Variants in RABGEF1 observed in about 807,000 individuals in gnomAD.
RABGEF1 encodes rab5 GDP/GTP exchange factor.
RABGEF1 carries 26 observed loss-of-function variants against 57.3 expected under a neutral mutation model. The observed-to-expected ratio is 0.45, with a 90% CI of 0.33 to 0.63. RABGEF1 has a LOEUF of 0.63. Among genes scored for constraint, RABGEF1 ranks in the 20% least tolerant of loss-of-function variants. RABGEF1 has a pLI of 0.02. For missense variants in RABGEF1, 464 were observed against 607.6 expected (o/e 0.76, Z 2.48); for synonymous variants, 185 against 210.7 (o/e 0.88, Z 1.06).
the RABGEF1 span, chr7:66,669,032 C>T: frequency 6.6e-6 from 1 of 152,228 alleles, no homozygotes; most frequent in Non-Finnish European, 1.5e-5. Context: ...CTTGTGAGTC[C>T]CCTCCCTGGG....
chr7:66,758,351 G>A (rs1351157768), intron 1 of RABGEF1, among the ~76,000 whole-genome samples: 2 of 152,120 alleles, frequency 1.3e-5, no homozygotes, highest in African/African-American at 2.4e-5. Context: ...ACCTAGCGCC[G>A]AGGCACAATT....
chr7:66,765,929 G>C (rs2129096310), intron 1 of RABGEF1, among the ~76,000 whole-genome samples: 1 of 152,216 alleles, frequency 6.6e-6, no homozygotes, highest in South Asian at 2.1e-4. Flanking sequence ...GTAACATTGA[G>C]TAGTACTATC....
intron 2 of RABGEF1, among the ~76,000 whole-genome samples, chr7:66,721,534 C>T (rs1171268041): frequency 1.3e-5 from 2 of 152,156 alleles, no homozygotes; most frequent in Non-Finnish European, 2.9e-5. Context: ...CATCAAATTC[C>T]ACCCCCTTTG....
chr7:66,700,815 C>T (rs1215224919), intron 1 of RABGEF1, among the ~76,000 whole-genome samples: 1 of 152,232 alleles, frequency 6.6e-6, no homozygotes, highest in Non-Finnish European at 1.5e-5. Flanking sequence ...TGGACACTCT[C>T]TGAGGACATC....
chr7:66,774,112 G>C (rs1226475586), intron 2 of RABGEF1, among the ~76,000 whole-genome samples: 1 of 152,190 alleles, frequency 6.6e-6, no homozygotes, highest in Non-Finnish European at 1.5e-5. Flanking sequence ...TACCAAGTTA[G>C]CTAAAAAACC....
the RABGEF1 span, among the ~76,000 whole-genome samples, chr7:66,676,906 A>G: frequency 6.6e-6 from 1 of 152,218 alleles, no homozygotes; most frequent in African/African-American, 2.4e-5. Flanking sequence ...CCCTTGATGC[A>G]CAAAAGTTAA....
At chr7:66,727,887 G>T (rs1412790279) in intron 2 of RABGEF1, among the ~76,000 whole-genome samples, 1 of 152,172 alleles carries the variant, frequency 6.6e-6, no homozygotes, top group African/African-American at 2.4e-5. Context: ...GAACACACGC[G>T]TGGCTGCCTC....
At chr7:66,678,328 G>A (rs1268801460), upstream of RABGEF1, among the ~76,000 whole-genome samples, 4 of 152,090 alleles carry the variant, frequency 2.6e-5, no homozygotes, top group African/African-American at 9.7e-5. Flanking sequence ...CACTTTGGGA[G>A]GCCGAGGTGG....
intron 3 of RABGEF1, among the ~76,000 whole-genome samples, chr7:66,781,365 TTATC>T (rs1809859157): frequency 6.6e-6 from 1 of 152,216 alleles, no homozygotes; most frequent in Non-Finnish European, 1.5e-5. Context: ...TTATTATTAT[TTATC>T]TATTTTTATT....
chr7:66,745,209 T>C (rs1337882192), intron 1 of RABGEF1, among the ~76,000 whole-genome samples: 2 of 151,774 alleles, frequency 1.3e-5, no homozygotes, highest in Non-Finnish European at 2.9e-5. Flanking sequence ...AAAAAAATGA[T>C]ATCAGTACTT....
chr7:66,690,391 G>C (rs932928210), intron 1 of RABGEF1, among the ~76,000 whole-genome samples: 8 of 149,180 alleles, frequency 5.4e-5, no homozygotes, highest in African/African-American at 1.7e-4. Context: ...GAGCCATCGC[G>C]CCCGGCCTGA....
At chr7:66,668,462 A>C in the RABGEF1 span, among the ~76,000 whole-genome samples, 1 of 152,164 alleles carries the variant, frequency 6.6e-6, no homozygotes, top group South Asian at 2.1e-4. Context: ...GGCATCTTGC[A>C]ACTTGAATTG....
chr7:66,798,370 C>G (rs1024266910), intron 6 of RABGEF1, among the ~76,000 whole-genome samples: 2 of 152,134 alleles, frequency 1.3e-5, no homozygotes, highest in African/African-American at 4.8e-5. Context: ...GGAGAAGGGA[C>G]TCGGAGTCCC....
chr7:66,734,405 C>T (rs1286097621), intron 2 of RABGEF1, among the ~76,000 whole-genome samples: 2 of 152,016 alleles, frequency 1.3e-5, no homozygotes, highest in Non-Finnish European at 2.9e-5. Flanking sequence ...TCTGTTTCCT[C>T]GTCTATGAAG....
chr7:66,765,611 T>C (rs1805501200), intron 1 of RABGEF1, among the ~76,000 whole-genome samples: 1 of 152,188 alleles, frequency 6.6e-6, no homozygotes, highest in South Asian at 2.1e-4. Context: ...CTTCTACTTT[T>C]CTCTGCTTCT....
At chr7:66,704,960 C>G (rs1793794073) in intron 1 of RABGEF1, among the ~76,000 whole-genome samples, 2 of 152,100 alleles carry the variant, frequency 1.3e-5, no homozygotes, top group South Asian at 2.1e-4. Flanking sequence ...ATGGCTATAC[C>G]AATTTGCATT....
intron 2 of RABGEF1, among the ~76,000 whole-genome samples, chr7:66,733,614 C>G (rs373793709): frequency 6.6e-6 from 1 of 152,082 alleles, no homozygotes; most frequent in African/African-American, 2.4e-5. Flanking sequence ...AGAAGAATTG[C>G]GTGAACCCGG....
At chr7:66,767,914 G>A (rs1330099108) in intron 1 of RABGEF1, among the ~76,000 whole-genome samples, 1 of 152,184 alleles carries the variant, frequency 6.6e-6, no homozygotes, top group Non-Finnish European at 1.5e-5. Context: ...TAAAGCCTTT[G>A]AGATTCATCA....
chr7:66,757,173 TC>T (rs1264332889), intron 1 of RABGEF1, among the ~76,000 whole-genome samples: 1 of 152,238 alleles, frequency 6.6e-6, no homozygotes, highest in Non-Finnish European at 1.5e-5. Context: ...TAAGTATATT[TC>T]CATATTTTTA....
Sources: gnomAD v4.1 joint callset for allele counts (sites outside exome capture counted in the v4.1 genomes callset) on GRCh38, gnomAD v4.1.1 for gene constraint, MANE v1.5 for transcripts, NCBI Gene and HGNC (gene_info 2026-07-23, HGNC 2026-07-21) for gene names.